The following ZC3H12B variants were observed in gnomAD, a reference collection of about 807,000 sequenced individuals.
The protein encoded by ZC3H12B is zinc finger CCCH-type containing 12B.
In ZC3H12B, 7 loss-of-function variants were observed where a neutral mutation model predicts 43.9. That is an observed-to-expected ratio of 0.16 (90% CI 0.09 to 0.30). ZC3H12B has a LOEUF of 0.30. ZC3H12B is among the 10% of genes least tolerant of loss of function. ZC3H12B has a pLI of 1.00. For synonymous variants in ZC3H12B, 222 were observed against 241.7 expected (o/e 0.92, Z 0.76); for missense variants, 475 against 670.2 (o/e 0.71, Z 3.22).
the ZC3H12B span, among the ~76,000 whole-genome samples, chrX:65,213,638 A>G: frequency 1.8e-5 from 2 of 110,960 alleles, no homozygotes; most frequent in South Asian, 3.7e-4. Flanking sequence ...TCAGATAACT[A>G]TGAAGTGGTT....
At chrX:65,256,084 A>T in the ZC3H12B span, among the ~76,000 whole-genome samples, 1 of 112,183 alleles carries the variant, frequency 8.9e-6, no homozygotes, top group Non-Finnish European at 1.9e-5. Context: ...ACACAATAAT[A>T]GCAGGAGACT....
At chrX:65,108,823 A>G in the ZC3H12B span, among the ~76,000 whole-genome samples, 1 of 111,687 alleles carries the variant, frequency 9.0e-6, no homozygotes, top group African/African-American at 3.2e-5. Flanking sequence ...CAGCATCACC[A>G]TGAACATATG....
the ZC3H12B span, among the ~76,000 whole-genome samples, chrX:65,327,317 T>G: frequency 9.0e-6 from 1 of 111,526 alleles, no homozygotes; most frequent in African/African-American, 3.2e-5. Flanking sequence ...ATACATACAG[T>G]GTAATACTGT....
the ZC3H12B span, among the ~76,000 whole-genome samples, chrX:65,076,208 G>T: frequency 9.3e-6 from 1 of 107,696 alleles, no homozygotes; most frequent in Non-Finnish European, 1.9e-5. Context: ...CTGTTGGAGT[G>T]CAGTGGTGTG....
the ZC3H12B span, among the ~76,000 whole-genome samples, chrX:65,254,150 G>C: frequency 8.9e-6 from 1 of 111,970 alleles, no homozygotes; most frequent in African/African-American, 3.2e-5. Context: ...CCCCCCCACT[G>C]CCACTGCTGC....
At chrX:65,053,568 A>G in the ZC3H12B span, among the ~76,000 whole-genome samples, 1 of 111,755 alleles carries the variant, frequency 8.9e-6, no homozygotes, top group South Asian at 3.8e-4. Flanking sequence ...CAATAAACAT[A>G]CATGTGCATG....
At chrX:65,413,853 A>G (rs1045070838) in intron 3 of ZC3H12B, among the ~76,000 whole-genome samples, 1 of 112,216 alleles carries the variant, frequency 8.9e-6, no homozygotes, top group African/African-American at 3.2e-5. Flanking sequence ...TAGACATTCC[A>G]TTGAATCTGT....
the ZC3H12B span, among the ~76,000 whole-genome samples, chrX:65,356,297 A>G: frequency 8.9e-6 from 1 of 112,258 alleles, no homozygotes; most frequent in East Asian, 2.8e-4. Context: ...CACAATATTA[A>G]TCATGCTCAT....
chrX:65,330,270 G>C, the ZC3H12B span, among the ~76,000 whole-genome samples: 16 of 111,673 alleles, frequency 1.4e-4, no homozygotes, highest in African/African-American at 5.2e-4. Flanking sequence ...CTGAAACTTT[G>C]ATGAAGTTGC....
At chrX:65,256,651 AC>A in the ZC3H12B span, among the ~76,000 whole-genome samples, 1 of 111,302 alleles carries the variant, frequency 9.0e-6, no homozygotes. Context: ...GAGCCAACCA[AC>A]CCCCAAGCTA....
chrX:65,225,158 G>T, the ZC3H12B span, among the ~76,000 whole-genome samples: 1 of 111,507 alleles, frequency 9.0e-6, no homozygotes, highest in Admixed American at 9.5e-5. Context: ...CACACGACCA[G>T]GTACTCCTCT....
chrX:65,074,741 G>A, the ZC3H12B span, among the ~76,000 whole-genome samples: 1 of 111,689 alleles, frequency 9.0e-6, no homozygotes, highest in African/African-American at 3.3e-5. Flanking sequence ...TTGATCAAGT[G>A]TGATATTGAA....
chrX:65,166,595 T>C, the ZC3H12B span, among the ~76,000 whole-genome samples: 6 of 111,955 alleles, frequency 5.4e-5, no homozygotes, highest in Non-Finnish European at 1.1e-4. Flanking sequence ...GTATTTCTAG[T>C]TCTAGATCCT....
chrX:65,349,604 G>A, the ZC3H12B span, among the ~76,000 whole-genome samples: 1 of 111,021 alleles, frequency 9.0e-6, no homozygotes, highest in Non-Finnish European at 1.9e-5. Context: ...CAACAAAATA[G>A]ATAGCCAGAC....
chrX:65,389,384 A>G (rs1441384801), intron 2 of ZC3H12B, among the ~76,000 whole-genome samples: 1 of 112,055 alleles, frequency 8.9e-6, no homozygotes, highest in Non-Finnish European at 1.9e-5. Context: ...TTAATCTCAG[A>G]CTGCTGTGCT....
chrX:65,314,870 A>C, the ZC3H12B span, among the ~76,000 whole-genome samples: 1 of 111,115 alleles, frequency 9.0e-6, no homozygotes, highest in East Asian at 2.8e-4. Flanking sequence ...AAGAGAATAA[A>C]GGAAACTGTA....
the ZC3H12B span, among the ~76,000 whole-genome samples, chrX:65,309,728 G>C: frequency 8.9e-6 from 1 of 111,851 alleles, no homozygotes. Flanking sequence ...GATGAATATT[G>C]ATGTGAAAGT....
chrX:65,096,040 G>A, the ZC3H12B span, among the ~76,000 whole-genome samples: 1 of 111,655 alleles, frequency 9.0e-6, no homozygotes, highest in Admixed American at 9.5e-5. Context: ...GACAAAGCAA[G>A]CATCAGCACC....
chrX:65,468,524 C>A (rs191259504), intron 3 of ZC3H12B, among the ~76,000 whole-genome samples: 4 of 101,714 alleles, frequency 3.9e-5, no homozygotes, highest in African/African-American at 1.1e-4. Context: ...CACTCTGTCA[C>A]GCAGGCTGGA....
Sources: allele counts gnomAD v4.1 joint callset (sites outside exome capture counted in the v4.1 genomes callset), GRCh38; gene constraint gnomAD v4.1.1; transcripts MANE v1.5; gene names NCBI Gene and HGNC (gene_info 2026-07-23, HGNC 2026-07-21).